Variants in ERBB4 observed in about 807,000 individuals in gnomAD.
ERBB4 encodes erb-b2 receptor tyrosine kinase 4, also known as receptor tyrosine-protein kinase erbB-4.
A neutral mutation model predicts 158.0 loss-of-function variants in ERBB4; 42 were observed. The observed-to-expected ratio is 0.27, with a 90% CI of 0.21 to 0.34. The LOEUF (loss-of-function observed/expected upper bound fraction) is 0.34, where lower values mean the gene tolerates loss of function less well. Ranked by LOEUF, ERBB4 falls within the 10% of genes least tolerant of loss-of-function variation. The pLI is 1.00. For missense variants in ERBB4, 1,333 were observed against 1,624.1 expected, an observed-to-expected ratio of 0.82 and a Z score of 3.08; for synonymous variants, 583 against 558.7, an observed-to-expected ratio of 1.04 and a Z score of -0.61.
At chr2:212,065,021 GT>G (rs1559426119) in intron 2 of ERBB4, among the ~76,000 whole-genome samples, 155 of 149,548 alleles carry the variant, frequency 1.0e-3, no homozygotes, top group African/African-American at 3.7e-3. Flanking sequence ...GTGTGTGTGT[GT>G]GTGTGTTGTG....
intron 3 of ERBB4, among the ~76,000 whole-genome samples, chr2:211,880,128 A>C (rs1362089039): frequency 6.6e-6 from 1 of 151,970 alleles, no homozygotes; most frequent in Non-Finnish European, 1.5e-5. Flanking sequence ...CTGAAATACA[A>C]ACTTCCTTCT....
intron 3 of ERBB4, among the ~76,000 whole-genome samples, chr2:211,904,029 G>T (rs1423837291): frequency 6.6e-6 from 1 of 152,066 alleles, no homozygotes. Context: ...AGAATATTCT[G>T]AAAAGAAGAT....
intron 13 of ERBB4, 141 bp downstream of exon 13, chr2:211,678,911 G>A (rs2072216299): frequency 4.1e-6 from 3 of 740,594 alleles, no homozygotes; most frequent in Non-Finnish European, 6.2e-6. Flanking sequence ...AGCTTGCAGT[G>A]AGCCGAGATC....
At chr2:211,393,250 T>G (rs1374554981) in intron 25 of ERBB4, among the ~76,000 whole-genome samples, 1 of 152,226 alleles carries the variant, frequency 6.6e-6, no homozygotes, top group Non-Finnish European at 1.5e-5. Context: ...ATATATATTA[T>G]GTACCTACCC....
intron 2 of ERBB4, among the ~76,000 whole-genome samples, chr2:212,105,753 C>T (rs2079207874): frequency 1.3e-5 from 2 of 152,168 alleles, no homozygotes; most frequent in Non-Finnish European, 2.9e-5. Context: ...CATCTTGAAT[C>T]GTAGCTCTCA....
chr2:212,515,500 A>G (rs1489390465), intron 1 of ERBB4, among the ~76,000 whole-genome samples: 1 of 152,090 alleles, frequency 6.6e-6, no homozygotes, highest in Admixed American at 6.5e-5. Context: ...AAACAATACT[A>G]TAAAACAGAT....
At chr2:211,998,186 T>TA (rs977799483) in intron 2 of ERBB4, among the ~76,000 whole-genome samples, 1 of 151,358 alleles carries the variant, frequency 6.6e-6, no homozygotes, top group Non-Finnish European at 1.5e-5. Context: ...AGTATAATAA[T>TA]AAAAAAAATG....
intron 3 of ERBB4, among the ~76,000 whole-genome samples, chr2:211,932,367 T>C (rs1010674878): frequency 2.0e-5 from 3 of 152,000 alleles, no homozygotes; most frequent in Non-Finnish European, 2.9e-5. Context: ...CATTTTTTCA[T>C]GGGTAAAGTT....
intron 7 of ERBB4, among the ~76,000 whole-genome samples, chr2:211,713,887 C>A (rs1266808280): frequency 6.6e-6 from 1 of 152,068 alleles, no homozygotes; most frequent in South Asian, 2.1e-4. Flanking sequence ...ATTGAATTGC[C>A]CCCAAGATAG....
chr2:212,493,951 AATTCTT>A (rs759744841), intron 1 of ERBB4, among the ~76,000 whole-genome samples: 3 of 151,868 alleles, frequency 2.0e-5, no homozygotes, highest in Admixed American at 6.6e-5. Flanking sequence ...ACACAAGGAA[AATTCTT>A]ATTCTTATTA....
Position 211,532,948 on chromosome 2 carries a change from T to A in ERBB4, c.2487+28955A>T, listed in dbSNP as rs1220759600. ...TGCAGTTATTTACAAATGTAAATAT[T>A]TAACATTTATATTATTTAGCATAAA... On this transcript the variant is annotated intron_variant, in intron 20 of 27. Coordinates refer to ENST00000342788, the MANE Select transcript of ERBB4 (RefSeq NM_005235.3). 3.3e-5 allele frequency among the ~76,000 whole-genome samples: 5 copies of A among 151,722 alleles called. No homozygotes were observed. In the East Asian group the frequency reaches 5.8e-4, roughly 18 times the overall value.
intron 20 of ERBB4, among the ~76,000 whole-genome samples, chr2:211,468,917 C>CAAAA (rs34611181): frequency 7.4e-6 from 1 of 135,186 alleles, no homozygotes; most frequent in African/African-American, 2.8e-5. Flanking sequence ...TCTTCTGCTT[C>CAAAA]AAAAAAAAAA....
chr2:211,593,675 CT>C, intron 19 of ERBB4, among the ~76,000 whole-genome samples: 1 of 152,312 alleles, frequency 6.6e-6, no homozygotes. Context: ...ACTCTAGCAC[CT>C]TTCCCCTAAT....
At chr2:211,550,408 T>C (rs1345794166) in intron 20 of ERBB4, among the ~76,000 whole-genome samples, 8 of 151,666 alleles carry the variant, frequency 5.3e-5, no homozygotes, top group African/African-American at 1.9e-4. Context: ...ATCTGATATA[T>C]CTGACCATAC....
chr2:212,099,532 G>C (rs2079023798), intron 2 of ERBB4, among the ~76,000 whole-genome samples: 1 of 152,094 alleles, frequency 6.6e-6, no homozygotes, highest in Non-Finnish European at 1.5e-5. Flanking sequence ...GGCCTTAATA[G>C]CAAGGCACAA....
At chr2:211,812,809 T>C (rs1402944550) in intron 3 of ERBB4, among the ~76,000 whole-genome samples, 1 of 152,224 alleles carries the variant, frequency 6.6e-6, no homozygotes, top group Non-Finnish European at 1.5e-5. Flanking sequence ...ACTGCTGTGC[T>C]AGCAGTGAGC....
chr2:211,958,547 A>G (rs1462054222), intron 2 of ERBB4, among the ~76,000 whole-genome samples: 1 of 152,104 alleles, frequency 6.6e-6, no homozygotes, highest in Non-Finnish European at 1.5e-5. Flanking sequence ...CCTCTGTTTT[A>G]TAAATGAAGT....
chr2:211,849,468 C>A (rs1575242662), intron 3 of ERBB4, among the ~76,000 whole-genome samples: 1 of 151,794 alleles, frequency 6.6e-6, no homozygotes, highest in Non-Finnish European at 1.5e-5. Context: ...AGTAATAACA[C>A]ATAATTATTT....
At chr2:211,815,728 G>A (rs2076869003) in intron 3 of ERBB4, among the ~76,000 whole-genome samples, 1 of 152,234 alleles carries the variant, frequency 6.6e-6, no homozygotes, top group Non-Finnish European at 1.5e-5. Flanking sequence ...TGCCAGAGGA[G>A]ATTGGCAGTT....
Sources: gnomAD v4.1 joint callset for allele counts (sites outside exome capture counted in the v4.1 genomes callset) on GRCh38, gnomAD v4.1.1 for gene constraint, MANE v1.5 for transcripts, NCBI Gene and HGNC (gene_info 2026-07-23, HGNC 2026-07-21) for gene names.